Variants in XIRP2 observed in about 807,000 individuals in gnomAD.
The protein encoded by XIRP2 is xin actin-binding repeat-containing protein 2.
Under a neutral mutation model 277.0 loss-of-function variants are expected in XIRP2, and 236 were observed. The ratio of observed to expected loss-of-function variants is 0.85; its 90% CI spans 0.77 to 0.95. The LOEUF (loss-of-function observed/expected upper bound fraction) is 0.95, where lower values mean the gene tolerates loss of function less well. XIRP2 is among the 40% of genes least tolerant of loss of function. The pLI, the probability that XIRP2 is intolerant of heterozygous loss-of-function variation, is 0.00. For missense variants in XIRP2, 4,640 were observed against 4,157.5 expected (o/e 1.12, Z -3.19); for synonymous variants, 1,490 against 1,416.5 (o/e 1.05, Z -1.17).
chr2:167,042,259 A>G (rs1688676568), intron 2 of XIRP2, among the ~76,000 whole-genome samples: 2 of 152,140 alleles, frequency 1.3e-5, no homozygotes, highest in South Asian at 2.1e-4. Context: ...ACCTACTGAC[A>G]CTATTAAGCA....
intron 2 of XIRP2, among the ~76,000 whole-genome samples, chr2:166,922,810 T>C (rs1299564974): frequency 6.6e-6 from 1 of 151,056 alleles, no homozygotes; most frequent in African/African-American, 2.4e-5. Context: ...TTTCTTCTTT[T>C]CTTTCCTTCC....
intron 2 of XIRP2, among the ~76,000 whole-genome samples, chr2:167,099,146 A>C (rs1198275291): frequency 1.3e-5 from 2 of 152,088 alleles, no homozygotes; most frequent in Non-Finnish European, 2.9e-5. Context: ...GGGAGATGGG[A>C]GGTTTATCTA....
At position 167,210,836 on chromosome 2, in the gene XIRP2, C is replaced by T. The variant is rs767389886; in HGVS notation, c.664C>T (p.Arg222Trp). 18 of 1,614,146 alleles carry T rather than the reference C, an allele frequency of 1.1e-5. No homozygotes were observed. The highest frequency in any genetic ancestry group is 1.3e-5 in the African/African-American group (1 of 75,050). Residue 222 changes from arginine (R) to tryptophan (W), a missense_variant, in exon 4 of 11, where the codon CGG becomes TGG. By Grantham distance (101) the Arg-to-Trp change is moderately radical. Coordinates refer to ENST00000409195, the MANE Select transcript of XIRP2 (RefSeq NM_152381.6). The stretch of plus-strand genomic sequence containing the variant: ...CCACGAAGTGGTCTCCCTGAAGGAG[C>T]GGATGGCGAGGTACCAGGCAGCTGT... ...DLHEVVSLKE[R>W]MARYQAAVSR...
At chr2:167,161,245 C>A (rs1316472275) in intron 3 of XIRP2, among the ~76,000 whole-genome samples, 3 of 152,196 alleles carry the variant, frequency 2.0e-5, no homozygotes, top group African/African-American at 7.2e-5. Context: ...GTGGATATAC[C>A]ATTCTCGAGT....
chr2:166,976,873 A>T (rs1490787127), intron 2 of XIRP2, among the ~76,000 whole-genome samples: 1 of 152,144 alleles, frequency 6.6e-6, no homozygotes, highest in African/African-American at 2.4e-5. Context: ...CTCATGTAAC[A>T]TTGTTAGCAA....
At chr2:166,919,169 A>G (rs908696577) in intron 2 of XIRP2, among the ~76,000 whole-genome samples, 1 of 152,164 alleles carries the variant, frequency 6.6e-6, no homozygotes, top group African/African-American at 2.4e-5. Flanking sequence ...AATACATGGC[A>G]CATAATACTC....
intron 2 of XIRP2, among the ~76,000 whole-genome samples, chr2:166,982,661 T>A (rs1686906511): frequency 6.6e-6 from 1 of 152,170 alleles, no homozygotes; most frequent in Non-Finnish European, 1.5e-5. Flanking sequence ...AGATAATAAA[T>A]GTTTTGGTTC....
At chr2:166,980,215 A>T (rs1686829764) in intron 2 of XIRP2, among the ~76,000 whole-genome samples, 1 of 152,086 alleles carries the variant, frequency 6.6e-6, no homozygotes. Context: ...AGTATTGGTA[A>T]CTTATAACTT....
At chr2:167,063,585 A>C (rs1323585452) in intron 2 of XIRP2, among the ~76,000 whole-genome samples, 2 of 151,880 alleles carry the variant, frequency 1.3e-5, no homozygotes, top group Admixed American at 6.6e-5. Context: ...GCAAGTTTTC[A>C]CTTCACGTAT....
intron 2 of XIRP2, among the ~76,000 whole-genome samples, chr2:167,097,956 C>G (rs1388879730): frequency 1.3e-5 from 2 of 152,200 alleles, no homozygotes; most frequent in African/African-American, 4.8e-5. Flanking sequence ...GGTAACCTAA[C>G]CTCTTTCTCT....
At chr2:167,201,254 G>C (rs1355412882) in intron 3 of XIRP2, among the ~76,000 whole-genome samples, 1 of 89,154 alleles carries the variant, frequency 1.1e-5, no homozygotes, top group African/African-American at 8.9e-5. Context: ...AAGAAAGAAA[G>C]AAAGAAAGAG....
At chr2:166,908,236 G>A (rs981059896) in intron 2 of XIRP2, among the ~76,000 whole-genome samples, 1 of 152,186 alleles carries the variant, frequency 6.6e-6, no homozygotes, top group Non-Finnish European at 1.5e-5. Context: ...CACCAACAGT[G>A]TAAAAGTGTT....
intron 4 of XIRP2, among the ~76,000 whole-genome samples, chr2:167,211,422 A>G (rs1357831110): frequency 6.6e-6 from 1 of 152,090 alleles, no homozygotes; most frequent in Non-Finnish European, 1.5e-5. Context: ...CTTCTCTCTG[A>G]GCTTCAGTTT....
At chr2:167,231,357 A>G (rs1187711409) in intron 5 of XIRP2, among the ~76,000 whole-genome samples, 1 of 151,984 alleles carries the variant, frequency 6.6e-6, no homozygotes, top group Non-Finnish European at 1.5e-5. Flanking sequence ...GTCTTCCTAC[A>G]TGTCCTTGTA....
At chr2:167,119,082 C>T (rs1690977451) in intron 2 of XIRP2, among the ~76,000 whole-genome samples, 1 of 152,052 alleles carries the variant, frequency 6.6e-6, no homozygotes, top group Admixed American at 6.6e-5. Flanking sequence ...AGATCAATGT[C>T]AGAGATTCAG....
intron 2 of XIRP2, among the ~76,000 whole-genome samples, chr2:167,009,225 C>T (rs1458734743): frequency 8.4e-6 from 1 of 118,736 alleles, no homozygotes; most frequent in African/African-American, 3.1e-5. Flanking sequence ...CCCCCCACCC[C>T]ACAACAGTCC....
At chr2:166,899,619 A>C (rs1424587083) in intron 1 of XIRP2, among the ~76,000 whole-genome samples, 1 of 152,066 alleles carries the variant, frequency 6.6e-6, no homozygotes, top group Non-Finnish European at 1.5e-5. Context: ...TCGTTATTGA[A>C]AGATCATTTT....
chr2:167,163,300 T>G (rs1024698627), intron 3 of XIRP2, among the ~76,000 whole-genome samples: 5 of 152,218 alleles, frequency 3.3e-5, no homozygotes, highest in African/African-American at 1.2e-4. Context: ...TGTGAGAATT[T>G]CAGTTTTTCT....
At chr2:167,142,004 C>T (rs1691734572) in intron 3 of XIRP2, among the ~76,000 whole-genome samples, 1 of 152,174 alleles carries the variant, frequency 6.6e-6, no homozygotes, top group Admixed American at 6.5e-5. Context: ...TTTGCAGTCA[C>T]TTGAAGATAG....
Sources: gnomAD v4.1 joint callset for allele counts (sites outside exome capture counted in the v4.1 genomes callset) on GRCh38, gnomAD v4.1.1 for gene constraint, MANE v1.5 for transcripts, NCBI Gene and HGNC (gene_info 2026-07-23, HGNC 2026-07-21) for gene names.